The following RBFOX1 variants were observed in gnomAD, a reference collection of about 807,000 sequenced individuals.
RBFOX1 encodes the protein RNA binding protein fox-1 homolog 1.
RBFOX1 carries 8 observed loss-of-function variants against 57.7 expected under a neutral mutation model. That is an observed-to-expected ratio of 0.14 (90% CI 0.08 to 0.25). The LOEUF is 0.25. Ranked by LOEUF, RBFOX1 falls within the 10% of genes least tolerant of loss-of-function variation. The probability of loss-of-function intolerance (pLI) is 1.00; values close to 1 mark genes in which losing one functional copy is unlikely to be tolerated. For missense variants in RBFOX1, 611 were observed against 548.5 expected (o/e 1.11, Z -1.14); for synonymous variants, 326 against 222.4 (o/e 1.47, Z -4.15).
At chr16:5,353,793 G>T (rs553796468) in intron 1 of RBFOX1, among the ~76,000 whole-genome samples, 49 of 152,046 alleles carry the variant, frequency 3.2e-4, no homozygotes, top group African/African-American at 1.1e-3. Context: ...CGTCTCGGGG[G>T]CTACTGTGCG....
chr16:7,638,032 A>C (rs776309123), intron 11 of RBFOX1, among the ~76,000 whole-genome samples: 9 of 152,162 alleles, frequency 5.9e-5, no homozygotes, highest in Non-Finnish European at 1.3e-4. Context: ...GGATTTAAAA[A>C]ATAATTTGGG....
chr16:7,391,214 T>C (rs779192641), intron 4 of RBFOX1, among the ~76,000 whole-genome samples: 3 of 152,212 alleles, frequency 2.0e-5, no homozygotes, highest in Non-Finnish European at 4.4e-5. Flanking sequence ...ACCTTGGTGT[T>C]AATCCCATGG....
intron 4 of RBFOX1, among the ~76,000 whole-genome samples, chr16:5,878,975 T>C (rs970632994): frequency 3.9e-5 from 6 of 152,304 alleles, no homozygotes; most frequent in African/African-American, 1.4e-4. Context: ...TAATTTGAAA[T>C]GTGTTAAGTT....
At chr16:6,663,679 A>G (rs12926459) in intron 3 of RBFOX1, among the ~76,000 whole-genome samples, 43,561 of 151,554 alleles carry the variant, frequency 0.29, 6,738 homozygotes, top group African/African-American at 0.37. Flanking sequence ...TCTGTTTCCA[A>G]TGTCCTTTGT....
chr16:7,601,224 G>A (rs1288647964), intron 9 of RBFOX1, among the ~76,000 whole-genome samples: 1 of 152,178 alleles, frequency 6.6e-6, no homozygotes, highest in Non-Finnish European at 1.5e-5. Flanking sequence ...CTCTTGAATT[G>A]TAGGAAGTTG....
At chr16:7,457,893 G>A (rs1255662591) in intron 4 of RBFOX1, among the ~76,000 whole-genome samples, 1 of 151,996 alleles carries the variant, frequency 6.6e-6, no homozygotes. Context: ...ATACTCTAAT[G>A]TCCAGTTAAC....
intron 3 of RBFOX1, among the ~76,000 whole-genome samples, chr16:5,703,730 G>C (rs1043947023): frequency 3.3e-5 from 5 of 152,030 alleles, no homozygotes; most frequent in African/African-American, 1.2e-4. Flanking sequence ...TTTTTTACAA[G>C]TGTCAAATGT....
At chr16:6,153,718 TAG>T (rs1464327607) in intron 1 of RBFOX1, among the ~76,000 whole-genome samples, 2 of 152,096 alleles carry the variant, frequency 1.3e-5, no homozygotes, top group Non-Finnish European at 1.5e-5. Context: ...GTATTTTTAG[TAG>T]AGACAGGGTT....
At chr16:7,170,958 C>T (rs1431510658) in intron 4 of RBFOX1, among the ~76,000 whole-genome samples, 1 of 152,120 alleles carries the variant, frequency 6.6e-6, no homozygotes, top group Non-Finnish European at 1.5e-5. Flanking sequence ...ATCAGGTTTC[C>T]TTTTGCAGGT....
At chr16:5,867,822 C>T (rs1242976591) in intron 4 of RBFOX1, among the ~76,000 whole-genome samples, 6 of 152,136 alleles carry the variant, frequency 3.9e-5, no homozygotes, top group African/African-American at 1.4e-4. Flanking sequence ...AGTGATTCTC[C>T]TGCCTCGGCC....
chr16:6,884,250 G>C (rs1307475410), intron 3 of RBFOX1, among the ~76,000 whole-genome samples: 1 of 152,130 alleles, frequency 6.6e-6, no homozygotes, highest in Non-Finnish European at 1.5e-5. Context: ...AGGGAGCGTG[G>C]CAATAAGTAT....
chr16:7,544,537 CA>C (rs1203527020), intron 5 of RBFOX1, among the ~76,000 whole-genome samples: 1 of 152,090 alleles, frequency 6.6e-6, no homozygotes, highest in Non-Finnish European at 1.5e-5. Flanking sequence ...CAAGGGGCAT[CA>C]AAGACAGATT....
chr16:7,407,208 C>T (rs773215822), intron 4 of RBFOX1, among the ~76,000 whole-genome samples: 2 of 152,242 alleles, frequency 1.3e-5, no homozygotes, highest in Middle Eastern at 6.8e-3. Flanking sequence ...TGAATCACAT[C>T]CATAAACTCC....
At chr16:6,577,735 A>G (rs1450768105) in intron 2 of RBFOX1, among the ~76,000 whole-genome samples, 1 of 152,184 alleles carries the variant, frequency 6.6e-6, no homozygotes, top group Non-Finnish European at 1.5e-5. Context: ...CAAGGAAGTG[A>G]CACACCCTAC....
At chr16:6,223,472 T>C (rs2097392272) in intron 1 of RBFOX1, among the ~76,000 whole-genome samples, 1 of 152,200 alleles carries the variant, frequency 6.6e-6, no homozygotes, top group Non-Finnish European at 1.5e-5. Context: ...CATTTTTTCA[T>C]GTGTCTTTTG....
chr16:5,374,098 C>T (rs1384675385), intron 1 of RBFOX1, among the ~76,000 whole-genome samples: 2 of 152,114 alleles, frequency 1.3e-5, no homozygotes, highest in Admixed American at 6.5e-5. Flanking sequence ...CCATCATGTG[C>T]GGCTAATTTT....
At chr16:5,855,266 G>A (rs2056996070) in intron 3 of RBFOX1, among the ~76,000 whole-genome samples, 1 of 152,074 alleles carries the variant, frequency 6.6e-6, no homozygotes, top group Non-Finnish European at 1.5e-5. Flanking sequence ...TGTTATCTGT[G>A]TTTTTGGTGT....
At chr16:5,979,653 A>G (rs976312523) in intron 4 of RBFOX1, among the ~76,000 whole-genome samples, 6 of 152,130 alleles carry the variant, frequency 3.9e-5, no homozygotes, top group African/African-American at 1.4e-4. Context: ...CACGAAGTCA[A>G]GAGATCAAGA....
At chr16:5,318,289 C>T (rs560665749) in intron 1 of RBFOX1, among the ~76,000 whole-genome samples, 3 of 152,104 alleles carry the variant, frequency 2.0e-5, no homozygotes, top group Non-Finnish European at 2.9e-5. Flanking sequence ...CCACCACACC[C>T]GGCTGATTTT....
Sources: gnomAD v4.1 joint callset for allele counts (sites outside exome capture counted in the v4.1 genomes callset) on GRCh38, gnomAD v4.1.1 for gene constraint, MANE v1.5 for transcripts, NCBI Gene and HGNC (gene_info 2026-07-23, HGNC 2026-07-21) for gene names.